PUDP: variants seen among roughly 807,000 people sequenced by gnomAD.
PUDP encodes the protein pseudouridine 5'-phosphatase.
A neutral mutation model predicts 9.4 loss-of-function variants in PUDP; 8 were observed. The observed-to-expected ratio is 0.85, with a 90% confidence interval of 0.50 to 1.53. The LOEUF (loss-of-function observed/expected upper bound fraction) is 1.53. Among genes scored for constraint, PUDP ranks in the 40% most tolerant of loss-of-function variants. The pLI is 0.00. For missense variants in PUDP, 188 were observed against 189.7 expected (o/e 0.99, Z 0.05); for synonymous variants, 99 against 80.7 (o/e 1.23, Z -1.22).
intron 3 of PUDP, among the ~76,000 whole-genome samples, chrX:6,796,752 A>G (rs1164025874): frequency 8.9e-6 from 1 of 111,918 alleles, no homozygotes; most frequent in Non-Finnish European, 1.9e-5. Flanking sequence ...TAAGAGAGAG[A>G]CGTGTATGTT....
chrX:6,900,737 AC>A (rs1448266700), intron 3 of PUDP, among the ~76,000 whole-genome samples: 1 of 107,818 alleles, frequency 9.3e-6, no homozygotes, highest in African/African-American at 3.4e-5. Flanking sequence ...CACTGAGGAC[AC>A]GAGGGCATAC....
intron 3 of PUDP, among the ~76,000 whole-genome samples, chrX:7,062,050 G>GT (rs1019255856): frequency 3.6e-5 from 4 of 112,062 alleles, no homozygotes; most frequent in Non-Finnish European, 5.6e-5. Flanking sequence ...GTTTCTTCCT[G>GT]TTTTTTTGTG....
chrX:6,722,079 T>C (rs1021187521), upstream of PUDP, among the ~76,000 whole-genome samples: 1 of 108,384 alleles, frequency 9.2e-6, no homozygotes, highest in Non-Finnish European at 1.9e-5. Context: ...TGTGTAGAAA[T>C]GGGGGGAGAG....
Position 7,098,859 on chromosome X carries a change from C to T in PUDP, c.280+6761G>A, listed in dbSNP as rs766153109. Among the ~76,000 whole-genome samples, 457 of 106,588 alleles carry T rather than the reference C, an allele frequency of 4.3e-3. 2 individuals carry two copies. The highest frequency in any genetic ancestry group is 5.9e-3 in the Non-Finnish European group (303 of 51,190). The allele number at this position is 106,588 out of a possible 115,157, so 92.6% of individuals were successfully genotyped here. Reference sequence around the variant, plus strand: ...AGGGCCAAGAGATGCAGGGGAGAGCCGGCCAAGAGATGCAGGGGAGAGCCG... The same window carrying T: ...AGGGCCAAGAGATGCAGGGGAGAGCTGGCCAAGAGATGCAGGGGAGAGCCG... On this transcript the variant is annotated intron_variant, in intron 2 of 3. Coordinates refer to ENST00000381077, the MANE Select transcript of PUDP (RefSeq NM_012080.5).
intron 1 of PUDP, among the ~76,000 whole-genome samples, chrX:6,993,316 G>A (rs1279610257): frequency 8.9e-6 from 1 of 112,056 alleles, no homozygotes; most frequent in Admixed American, 9.5e-5. Context: ...GGAGTTGATG[G>A]TCTCTAGAAT....
intron 3 of PUDP, among the ~76,000 whole-genome samples, chrX:6,819,498 T>G (rs1330333878): frequency 8.9e-6 from 1 of 112,438 alleles, no homozygotes; most frequent in East Asian, 2.8e-4. Context: ...GCACCATACA[T>G]TGCCAAGATT....
At chrX:7,002,288 T>C (rs1239927096) in intron 1 of PUDP, among the ~76,000 whole-genome samples, 1 of 112,133 alleles carries the variant, frequency 8.9e-6, no homozygotes, top group Non-Finnish European at 1.9e-5. Flanking sequence ...TCTAGAAATA[T>C]CAGCTGAGGT....
intron 1 of PUDP, among the ~76,000 whole-genome samples, chrX:6,716,209 T>C (rs1213211055): frequency 9.0e-6 from 1 of 111,610 alleles, no homozygotes; most frequent in Non-Finnish European, 1.9e-5. Context: ...GGAAGCATTA[T>C]ATGTAAGCTG....
At position 7,049,985 on chromosome X, in the gene PUDP, T is replaced by G; in HGVS notation, c.*311A>C. 4.2e-6 allele frequency: 1 copy of G among 240,184 alleles called. No homozygotes were observed. The allele number at this position is 240,184 out of a possible 1,213,427, so 19.8% of individuals were successfully genotyped here. A position where few individuals can be genotyped will look rare whatever the true frequency, so the allele number is the denominator to read the frequency against. On this transcript the variant is annotated 3_prime_UTR_variant, in exon 4 of 4. Transcript: ENST00000381077. ...TGATACACACATGTATATATGGAGG[T>G]GTGTGTGTATATACATGTACATTCA...
At chrX:6,723,946 T>C (rs1254042567), upstream of PUDP, among the ~76,000 whole-genome samples, 1 of 110,957 alleles carries the variant, frequency 9.0e-6, no homozygotes, top group Admixed American at 9.7e-5. Context: ...CTCAAAAAGA[T>C]TTTTTTTTAA....
chrX:6,751,491 C>G (rs143819307), intron 3 of PUDP, among the ~76,000 whole-genome samples: 18 of 111,778 alleles, frequency 1.6e-4, no homozygotes, highest in African/African-American at 4.9e-4. Context: ...AGTAAACACC[C>G]TGTTCATCAG....
rs187079390 is a variant in PUDP, at chrX:6,815,821, A to G, written c.*248-109355T>C. Among the ~76,000 whole-genome samples the G allele has an allele frequency of 3.6e-5, 4 of 109,938 alleles. No individual in the cohort carries two copies. In the East Asian group the frequency reaches 1.1e-3, roughly 31 times the overall value. On this transcript the variant is annotated intron_variant and NMD_transcript_variant, in intron 3 of 3. Coordinates refer to the PUDP transcript ENST00000655425. ...CATTGAAATATACTTACTGTTTTAA[A>G]TCAACTATACCAAATCCTCCCATAA... is the stretch of plus-strand genomic sequence containing the variant.
At chrX:6,958,977 T>G (rs138669402) in intron 3 of PUDP, among the ~76,000 whole-genome samples, 2 of 111,506 alleles carry the variant, frequency 1.8e-5, no homozygotes, top group South Asian at 3.8e-4. Flanking sequence ...TAATTGCATA[T>G]AATACAATGT....
At chrX:7,109,027 G>A (rs1931964195) in intron 1 of PUDP, among the ~76,000 whole-genome samples, 1 of 111,888 alleles carries the variant, frequency 8.9e-6, no homozygotes, top group African/African-American at 3.3e-5. Flanking sequence ...TGTAGAAGTC[G>A]AAGTTCAAGT....
chrX:6,866,673 A>T (rs1290469380), intron 3 of PUDP, among the ~76,000 whole-genome samples: 1 of 111,746 alleles, frequency 8.9e-6, no homozygotes, highest in Non-Finnish European at 1.9e-5. Flanking sequence ...ACAAAGATGA[A>T]GACCAGGGAA....
At chrX:7,114,148 C>T (rs1458770413) in intron 1 of PUDP, among the ~76,000 whole-genome samples, 2 of 111,568 alleles carry the variant, frequency 1.8e-5, no homozygotes, top group African/African-American at 6.5e-5. Flanking sequence ...GATCTCAGCT[C>T]ACTGAAACCT....
chrX:7,071,294 C>G (rs1930723458), intron 3 of PUDP, among the ~76,000 whole-genome samples: 1 of 111,115 alleles, frequency 9.0e-6, no homozygotes, highest in East Asian at 2.8e-4. Flanking sequence ...TATAAGTTCC[C>G]TGAAGGAAAT....
intron 3 of PUDP, among the ~76,000 whole-genome samples, chrX:7,073,244 C>T (rs1229609766): frequency 8.9e-6 from 1 of 112,224 alleles, no homozygotes; most frequent in African/African-American, 3.2e-5. Flanking sequence ...ACATGAATAA[C>T]TTAGAAAATA....
intron 3 of PUDP, among the ~76,000 whole-genome samples, chrX:6,964,427 C>T (rs1180570475): frequency 8.9e-6 from 1 of 112,043 alleles, no homozygotes; most frequent in African/African-American, 3.2e-5. Context: ...AATCCCAGTA[C>T]TTTGTTAGGC....
Sources: gnomAD v4.1 joint callset for allele counts (sites outside exome capture counted in the v4.1 genomes callset) on GRCh38, gnomAD v4.1.1 for gene constraint, MANE v1.5 for transcripts, NCBI Gene and HGNC (gene_info 2026-07-23, HGNC 2026-07-21) for gene names.